DIAPH3: variants seen among roughly 807,000 people sequenced by gnomAD.
The protein encoded by DIAPH3 is diaphanous related formin 3.
In DIAPH3, 117 loss-of-function variants were observed where a neutral mutation model predicts 144.3. That is an observed-to-expected ratio of 0.81 (90% CI 0.70 to 0.95). The LOEUF is 0.95. Among genes scored for constraint, DIAPH3 ranks in the 40% least tolerant of loss-of-function variants. The pLI is 0.00. For missense variants in DIAPH3, 1,421 were observed against 1,412.7 expected (o/e 1.01, Z -0.09); for synonymous variants, 519 against 488.9 (o/e 1.06, Z -0.81).
chr13:59,741,307 A>G (rs1404915910), intron 27 of DIAPH3, among the ~76,000 whole-genome samples: 1 of 152,218 alleles, frequency 6.6e-6, no homozygotes, highest in Non-Finnish European at 1.5e-5. Context: ...GTGAATATCT[A>G]TAGAGGGGAA....
intron 25 of DIAPH3, among the ~76,000 whole-genome samples, chr13:59,809,890 G>C (rs1039422441): frequency 6.6e-6 from 1 of 152,102 alleles, no homozygotes; most frequent in South Asian, 2.1e-4. Context: ...GCAGTGAAGC[G>C]GATGGATTTT....
At chr13:59,812,201 A>G (rs1332961348) in intron 24 of DIAPH3, among the ~76,000 whole-genome samples, 2 of 152,184 alleles carry the variant, frequency 1.3e-5, no homozygotes, top group African/African-American at 4.8e-5. Context: ...AACAACAAAA[A>G]GAAACAAAAA....
At chr13:60,148,148 T>C (rs1951622272) in intron 1 of DIAPH3, among the ~76,000 whole-genome samples, 1 of 152,126 alleles carries the variant, frequency 6.6e-6, no homozygotes, top group South Asian at 2.1e-4. Context: ...ACTAAGAGAA[T>C]ACAAAAGAAA....
intron 5 of DIAPH3, among the ~76,000 whole-genome samples, chr13:60,037,324 C>A (rs868565733): frequency 6.6e-6 from 1 of 151,830 alleles, no homozygotes; most frequent in Non-Finnish European, 1.5e-5. Context: ...AACATATATA[C>A]ATATACACAC....
intron 27 of DIAPH3, among the ~76,000 whole-genome samples, chr13:59,702,609 T>G (rs187397117): frequency 6.6e-6 from 1 of 152,296 alleles, no homozygotes; most frequent in East Asian, 1.9e-4. Context: ...ATTTTTATTT[T>G]CTTATTAACA....
intron 22 of DIAPH3, among the ~76,000 whole-genome samples, chr13:59,853,425 A>C (rs2043091432): frequency 1.3e-5 from 2 of 152,138 alleles, no homozygotes; most frequent in South Asian, 4.2e-4. Context: ...CATGGTGGTG[A>C]GTTTTCCTCT....
chr13:59,880,507 C>A (rs1445587871), intron 20 of DIAPH3, among the ~76,000 whole-genome samples: 1 of 152,062 alleles, frequency 6.6e-6, no homozygotes, highest in Non-Finnish European at 1.5e-5. Flanking sequence ...CTATATGAAG[C>A]CTGTAGGATG....
chr13:59,742,595 A>AG (rs2036514882), intron 27 of DIAPH3, among the ~76,000 whole-genome samples: 3 of 152,016 alleles, frequency 2.0e-5, no homozygotes, highest in Non-Finnish European at 2.9e-5. Context: ...GGAAAGAGAA[A>AG]AGAAAAGAAA....
Position 59,911,762 on chromosome 13 carries a change from T to TA in DIAPH3, c.2339dup (p.Leu780PhefsTer3). On this transcript the variant is annotated frameshift_variant, in exon 20 of 28. Transcript: ENST00000400324. LOFTEE classifies it high-confidence loss of function. ...CAACCACAAACTGCTCAGGTTCACA[T>TA]AAGTTGCTATATTCACTCTTGAACT... is the stretch of plus-strand genomic sequence containing the variant. 6.2e-7 allele frequency: 1 copy of TA among 1,613,658 alleles called. No homozygotes were observed. Among genetic ancestry groups the TA allele is most frequent in the Admixed American group, 1.7e-5 (1 of 60,016 alleles).
At chr13:60,108,263 C>G (rs898861245) in intron 3 of DIAPH3, among the ~76,000 whole-genome samples, 3 of 152,118 alleles carry the variant, frequency 2.0e-5, no homozygotes, top group African/African-American at 7.2e-5. Flanking sequence ...GAATCCTTAA[C>G]TCAGCACATG....
chr13:59,909,845 T>A (rs2046907431), intron 20 of DIAPH3, among the ~76,000 whole-genome samples: 1 of 152,232 alleles, frequency 6.6e-6, no homozygotes, highest in Non-Finnish European at 1.5e-5. Context: ...CTAGCATTGG[T>A]ATCTGGGAAT....
At chr13:59,739,112 A>G (rs1818362520) in intron 27 of DIAPH3, among the ~76,000 whole-genome samples, 1 of 152,210 alleles carries the variant, frequency 6.6e-6, no homozygotes. Context: ...CCTCGTGCTT[A>G]GGTCCAAAGT....
intron 25 of DIAPH3, among the ~76,000 whole-genome samples, chr13:59,802,585 TG>T (rs1417796611): frequency 6.9e-6 from 1 of 145,868 alleles, no homozygotes; most frequent in Non-Finnish European, 1.5e-5. Context: ...TTTTACTTCA[TG>T]GTTTTTTTTT....
At chr13:59,714,251 T>G (rs1490465193) in intron 27 of DIAPH3, among the ~76,000 whole-genome samples, 2 of 149,312 alleles carry the variant, frequency 1.3e-5, no homozygotes, top group African/African-American at 4.9e-5. Context: ...TCCCAGCTAC[T>G]TGGGAGGCTG....
rs999745294 is a variant in DIAPH3, at chr13:59,916,345, A to T, written c.2171-96T>A. ...TTATAAAATCAAAAATAAATTCATA[A>T]AACAAGAGAATTCAAACATTTAATA... On this transcript the variant is annotated intron_variant, in intron 18 of 27. Transcript: ENST00000400324. 6 of 938,206 alleles carry T rather than the reference A, an allele frequency of 6.4e-6. No individual in the cohort carries two copies. In the South Asian group the frequency reaches 8.6e-5, roughly 13 times the overall value. The allele number at this position is 938,206 out of a possible 1,614,324, so 58.1% of individuals were successfully genotyped here. A position where few individuals can be genotyped will look rare whatever the true frequency, so the allele number is the denominator to read the frequency against.
chr13:60,014,010 TAA>T (rs772705285), intron 7 of DIAPH3, among the ~76,000 whole-genome samples: 43 of 152,252 alleles, frequency 2.8e-4, no homozygotes, highest in Middle Eastern at 3.4e-3. Flanking sequence ...AAAAATCTCT[TAA>T]GAGAAAAATA....
intron 27 of DIAPH3, among the ~76,000 whole-genome samples, chr13:59,683,275 AT>A (rs1169501755): frequency 4.0e-5 from 6 of 151,572 alleles, no homozygotes; most frequent in Admixed American, 6.6e-5. Context: ...CAAACCTCTC[AT>A]TTTTTTTCAA....
rs185136646 is a variant in DIAPH3 at position 60,080,620 on chromosome 13, C to T, written c.495+13008G>A. Among the ~76,000 whole-genome samples, 16 of 151,850 alleles carry T rather than the reference C, an allele frequency of 1.1e-4. No individual in the cohort carries two copies. The East Asian group carries it at 1.9e-3, about 18-fold the overall frequency. ...TATGCTCCTATAATCTAAGCCAATA[C>T]GTTTGACTTGTCATACTCATTTTTT... On this transcript the variant is annotated intron_variant, in intron 4 of 27. Transcript: ENST00000400324.
Position 60,158,899 on chromosome 13 carries a change from C to T in DIAPH3, c.180+4688G>A, listed in dbSNP as rs948720898. Reference sequence around the variant, plus strand: ...GGGTTTAATTGTTGCTCCTGCCTGGCCCCTCTTAAAAAAAAAAAAAAAAAA... The same window carrying T: ...GGGTTTAATTGTTGCTCCTGCCTGGTCCCTCTTAAAAAAAAAAAAAAAAAA... On this transcript the variant is annotated intron_variant, in intron 1 of 27. Coordinates refer to ENST00000400324, the MANE Select transcript of DIAPH3 (RefSeq NM_001042517.2). Among the ~76,000 whole-genome samples the T allele has an allele frequency of 1.2e-4, 17 of 138,122 alleles. No homozygotes were observed. In the East Asian group the frequency reaches 1.6e-3, roughly 13 times the overall value. The allele number at this position is 138,122 out of a possible 152,430, so 90.6% of individuals were successfully genotyped here. A position where few individuals can be genotyped will look rare whatever the true frequency, so the allele number is the denominator to read the frequency against.
Sources: allele counts gnomAD v4.1 joint callset (sites outside exome capture counted in the v4.1 genomes callset), GRCh38; gene constraint gnomAD v4.1.1; transcripts MANE v1.5; gene names NCBI Gene and HGNC (gene_info 2026-07-23, HGNC 2026-07-21).